The following C8orf34 variants were observed in gnomAD, a reference collection of about 807,000 sequenced individuals.
C8orf34 encodes uncharacterized protein C8orf34.
A neutral mutation model predicts 68.3 loss-of-function variants in C8orf34; 65 were observed. That is an observed-to-expected ratio of 0.95 (90% CI 0.78 to 1.17). The LOEUF is 1.17. C8orf34 is among the 50% of genes most tolerant of loss of function. C8orf34 has a pLI of 0.00. For synonymous variants in C8orf34, 244 were observed against 241.2 expected, an observed-to-expected ratio of 1.01 and a Z score of -0.11; for missense variants, 664 against 655.4, an observed-to-expected ratio of 1.01 and a Z score of -0.14.
chr8:68,631,150 T>C (rs1335021995), intron 7 of C8orf34, among the ~76,000 whole-genome samples: 2 of 151,744 alleles, frequency 1.3e-5, no homozygotes, highest in Non-Finnish European at 2.9e-5. Context: ...CACCTGCAGC[T>C]ACTCAGGAGG....
chr8:68,771,761 T>C (rs1212677589), intron 10 of C8orf34, among the ~76,000 whole-genome samples: 1 of 152,138 alleles, frequency 6.6e-6, no homozygotes, highest in Non-Finnish European at 1.5e-5. Flanking sequence ...CACATGGGAG[T>C]GCTCAATACA....
intron 1 of C8orf34, among the ~76,000 whole-genome samples, chr8:68,392,266 T>C (rs1473833178): frequency 6.6e-6 from 1 of 151,942 alleles, no homozygotes; most frequent in Non-Finnish European, 1.5e-5. Flanking sequence ...TTTATTTCTG[T>C]CTATAGAGAA....
At chr8:68,629,827 A>G (rs898012306) in intron 7 of C8orf34, among the ~76,000 whole-genome samples, 2 of 151,934 alleles carry the variant, frequency 1.3e-5, no homozygotes, top group East Asian at 3.9e-4. Context: ...GTATGTGTGT[A>G]CAAAGTGAAG....
At chr8:68,361,844 T>C (rs183398934) in intron 1 of C8orf34, among the ~76,000 whole-genome samples, 31 of 152,354 alleles carry the variant, frequency 2.0e-4, no homozygotes, top group African/African-American at 7.2e-4. Flanking sequence ...TAATTTTTGT[T>C]TTGTACACAA....
rs139257883 is a variant in C8orf34 at position 68,535,150 on chromosome 8, C to T, written c.1105+2001C>T. 1,417 of 984,670 alleles carry T rather than the reference C, an allele frequency of 1.4e-3. 17 individuals carry two copies. The African/African-American group carries it at 0.022, about 15-fold the overall frequency. 61.0% of individuals were successfully genotyped at this position (984,670 alleles called of 1,614,324 possible). A position where few individuals can be genotyped will look rare whatever the true frequency, so the allele number is the denominator to read the frequency against. On this transcript the variant is annotated intron_variant, in intron 7 of 13. Coordinates refer to ENST00000518698, the MANE Select transcript of C8orf34 (RefSeq NM_052958.4). ...CAATTTCTTGTTTTTGAAATGGATT[C>T]CAGCAAAATGTATGTGATTGTGTCT... is the stretch of plus-strand genomic sequence containing the variant.
chr8:68,501,663 A>G (rs1813777354), intron 5 of C8orf34, among the ~76,000 whole-genome samples: 2 of 152,202 alleles, frequency 1.3e-5, no homozygotes, highest in Admixed American at 6.5e-5. Context: ...ATCTACACAC[A>G]CAACAAAATT....
chr8:68,586,567 C>G (rs568157959), intron 7 of C8orf34, among the ~76,000 whole-genome samples: 1 of 152,260 alleles, frequency 6.6e-6, no homozygotes, highest in East Asian at 1.9e-4. Context: ...AACAGATGAA[C>G]AAAGACACAC....
intron 1 of C8orf34, among the ~76,000 whole-genome samples, chr8:68,419,620 C>T (rs1377451995): frequency 6.6e-6 from 1 of 151,498 alleles, no homozygotes; most frequent in African/African-American, 2.4e-5. Context: ...AAATGTGGCA[C>T]ATATACACCA....
intron 10 of C8orf34, among the ~76,000 whole-genome samples, chr8:68,744,418 A>G (rs949568942): frequency 2.0e-5 from 3 of 152,242 alleles, no homozygotes; most frequent in African/African-American, 7.2e-5. Flanking sequence ...AGAAGGCTTC[A>G]GATGATCAAA....
chr8:68,571,328 A>G (rs1162124663), intron 7 of C8orf34, among the ~76,000 whole-genome samples: 1 of 152,222 alleles, frequency 6.6e-6, no homozygotes, highest in African/African-American at 2.4e-5. Context: ...GTTCATAAGT[A>G]AATCCCCAGA....
Position 68,505,502 on chromosome 8 carries a change from C to T in C8orf34, c.766-16297C>T, listed in dbSNP as rs915190270. ...ATCCCAGCACTTTGGGAGGCCGAGG[C>T]GGGTGGATCATGAGGTCAGGAGATC... On this transcript the variant is annotated intron_variant, in intron 5 of 13. Coordinates refer to ENST00000518698, the MANE Select transcript of C8orf34 (RefSeq NM_052958.4). 4.2e-5 allele frequency among the ~76,000 whole-genome samples: 4 copies of T among 94,864 alleles called. 1 individual carries two copies. The Middle Eastern group carries it at 0.014, about 336-fold the overall frequency. 62.2% of individuals were successfully genotyped at this position (94,864 alleles called of 152,430 possible).
chr8:68,644,474 G>C (rs556828209), intron 8 of C8orf34, among the ~76,000 whole-genome samples: 1 of 152,282 alleles, frequency 6.6e-6, no homozygotes, highest in African/African-American at 2.4e-5. Context: ...AGGTGGATGA[G>C]GGAAGTTCAA....
At chr8:68,803,154 T>G (rs1182367242) in intron 12 of C8orf34, among the ~76,000 whole-genome samples, 1 of 152,124 alleles carries the variant, frequency 6.6e-6, no homozygotes, top group East Asian at 1.9e-4. Context: ...TTTATGAGAC[T>G]AGCTAACCTC....
At chr8:68,640,926 C>T (rs1397230424) in intron 8 of C8orf34, among the ~76,000 whole-genome samples, 1 of 152,220 alleles carries the variant, frequency 6.6e-6, no homozygotes, top group Non-Finnish European at 1.5e-5. Flanking sequence ...ATCCTGTTCA[C>T]CTCCTGGAAA....
chr8:68,631,769 G>A (rs1000499922), intron 7 of C8orf34, among the ~76,000 whole-genome samples: 6 of 152,156 alleles, frequency 3.9e-5, no homozygotes, highest in Non-Finnish European at 8.8e-5. Flanking sequence ...AGAGGTGTTC[G>A]GAAGTTCCCT....
chr8:68,551,035 C>A (rs933785155), intron 7 of C8orf34, among the ~76,000 whole-genome samples: 1 of 151,740 alleles, frequency 6.6e-6, no homozygotes, highest in African/African-American at 2.4e-5. Context: ...CTTCTTGGAT[C>A]TGTGGCTTCG....
intron 10 of C8orf34, among the ~76,000 whole-genome samples, chr8:68,737,765 C>T (rs1822164253): frequency 6.6e-6 from 1 of 152,030 alleles, no homozygotes; most frequent in Non-Finnish European, 1.5e-5. Flanking sequence ...CAGCCACATT[C>T]ATAAAGCAAG....
intron 7 of C8orf34, among the ~76,000 whole-genome samples, chr8:68,599,400 G>T (rs1425975731): frequency 1.3e-5 from 2 of 152,032 alleles, no homozygotes; most frequent in East Asian, 3.9e-4. Flanking sequence ...TTAGCCGAAA[G>T]TAATCTTATA....
At chr8:68,609,326 A>G (rs1207184296) in intron 7 of C8orf34, among the ~76,000 whole-genome samples, 1 of 152,194 alleles carries the variant, frequency 6.6e-6, no homozygotes, top group Non-Finnish European at 1.5e-5. Flanking sequence ...CTGGAGGTGT[A>G]TCTAGGGGTT....
Sources: gnomAD v4.1 joint callset for allele counts (sites outside exome capture counted in the v4.1 genomes callset) on GRCh38, gnomAD v4.1.1 for gene constraint, MANE v1.5 for transcripts, NCBI Gene and HGNC (gene_info 2026-07-23, HGNC 2026-07-21) for gene names.